NFASC: variants seen among roughly 807,000 people sequenced by gnomAD.
NFASC encodes neurofascin homolog.
A neutral mutation model predicts 147.5 loss-of-function variants in NFASC; 43 were observed. The observed-to-expected ratio is 0.29, with a 90% CI of 0.23 to 0.38. NFASC has a LOEUF of 0.38. NFASC is among the 10% of genes least tolerant of loss of function. The probability of loss-of-function intolerance (pLI) is 1.00; values close to 1 mark genes in which losing one functional copy is unlikely to be tolerated. For synonymous variants in NFASC, 622 were observed against 665.5 expected, an observed-to-expected ratio of 0.93 and a Z score of 1.01; for missense variants, 1,320 against 1,689.0, an observed-to-expected ratio of 0.78 and a Z score of 3.83.
intron 27 of NFASC, among the ~76,000 whole-genome samples, chr1:205,007,728 G>T (rs905802761): frequency 2.6e-5 from 4 of 152,136 alleles, no homozygotes; most frequent in Non-Finnish European, 5.9e-5. Flanking sequence ...GAATGAGAGC[G>T]GCCAGCATGG....
In NFASC at chr1:205,020,582, C is replaced by G. The variant is rs1215158457; in HGVS notation, c.*4043C>G. 6.6e-6 allele frequency: 1 copy of G among 152,298 alleles called. No individual in the cohort carries two copies. Among genetic ancestry groups the G allele is most frequent in the African/African-American group, 2.4e-5 (1 of 41,468 alleles). 9.4% of individuals were successfully genotyped at this position (152,298 alleles called of 1,614,324 possible). A position where few individuals can be genotyped will look rare whatever the true frequency, so the allele number is the denominator to read the frequency against. On this transcript the variant is annotated 3_prime_UTR_variant, in exon 30 of 30. Transcript: ENST00000339876. ...GCATCTGAGCTGAAGGAGTGGGAAA[C>G]TTTGCCCAAGCAATGGCACGGGCAG...
At chr1:204,846,106 C>T (rs1676959093) in intron 1 of NFASC, among the ~76,000 whole-genome samples, 1 of 149,672 alleles carries the variant, frequency 6.7e-6, no homozygotes, top group African/African-American at 2.5e-5. Flanking sequence ...CCTGTAATCC[C>T]AGCATTTTGG....
intron 2 of NFASC, among the ~76,000 whole-genome samples, chr1:204,934,626 C>T (rs2092679173): frequency 6.6e-6 from 1 of 152,226 alleles, no homozygotes; most frequent in African/African-American, 2.4e-5. Flanking sequence ...CCAGCCTCTC[C>T]TCTTACTGAA....
chr1:205,013,510 G>A (rs2096289833), intron 29 of NFASC, among the ~76,000 whole-genome samples: 1 of 152,172 alleles, frequency 6.6e-6, no homozygotes, highest in Non-Finnish European at 1.5e-5. Context: ...TCCCCACCCA[G>A]TGAGTTAGTG....
rs147140917 is a variant in NFASC, at chr1:204,882,554, A to T, written c.-199-38078A>T. 1.3e-3 allele frequency among the ~76,000 whole-genome samples: 204 copies of T among 151,756 alleles called. 1 individual carries two copies. The highest frequency in any genetic ancestry group is 4.7e-3 in the African/African-American group (195 of 41,348). Reference sequence around the variant, plus strand: ...GTGTATTTCTTCATAGCACTTCCCCACTACCTGCACTTACGTCTCTGTTTA... The same window carrying T: ...GTGTATTTCTTCATAGCACTTCCCCTCTACCTGCACTTACGTCTCTGTTTA... On this transcript the variant is annotated intron_variant, in intron 1 of 29. Coordinates refer to ENST00000339876, the MANE Select transcript of NFASC (RefSeq NM_001005388.3).
intron 1 of NFASC, among the ~76,000 whole-genome samples, chr1:204,901,700 G>A (rs572578678): frequency 1.2e-4 from 19 of 152,214 alleles, no homozygotes; most frequent in African/African-American, 4.6e-4. Context: ...GGGGAGAGTG[G>A]GGGCAAGGGA....
rs773282718 is a variant in NFASC at position 204,954,287 on chromosome 1, TGGCG to T, written c.321_324del (p.Pro109ArgfsTer38). ...GGACCCTGGTGATTGACTTCCGCAGTGGCGGGCGGCCGGAGGAATATGAGGGGGA... is the reference window on the plus strand; with the variant it reads ...GGACCCTGGTGATTGACTTCCGCAGTGGCGGCCGGAGGAATATGAGGGGGA... On this transcript the variant is annotated frameshift_variant, in exon 6 of 30. Coordinates refer to ENST00000339876, the MANE Select transcript of NFASC (RefSeq NM_001005388.3). LOFTEE classifies it high-confidence loss of function. The surrounding 1 kb of genome is among the most constrained non-coding windows in gnomAD (Gnocchi z 5.7). 1 of 1,614,192 alleles carries T rather than the reference TGGCG, an allele frequency of 6.2e-7. No homozygotes were observed. Among genetic ancestry groups the T allele is most frequent in the Non-Finnish European group, 8.5e-7 (1 of 1,180,028 alleles).
intron 1 of NFASC, among the ~76,000 whole-genome samples, chr1:204,876,449 T>C (rs557353835): frequency 6.6e-6 from 1 of 152,378 alleles, no homozygotes; most frequent in East Asian, 1.9e-4. Context: ...TGGTAAAATA[T>C]GTACAACATA....
Position 204,968,141 on chromosome 1 carries a change from G to T in NFASC, c.707-108G>T. ...TCCTTGGGATGGTTTCAGCTGGGAG[G>T]ATCCGGCAGGGGCGGTGATGCCACT... On this transcript the variant is annotated intron_variant, in intron 8 of 29. Transcript: ENST00000339876. The surrounding 1 kb of genome is among the most constrained non-coding windows in gnomAD (Gnocchi z 5.4). The T allele has an allele frequency of 6.4e-6, 5 of 783,676 alleles. No homozygotes were observed. Among genetic ancestry groups the T allele is most frequent in the Non-Finnish European group, 1.1e-5 (5 of 451,194 alleles). The allele number at this position is 783,676 out of a possible 1,614,324, so 48.5% of individuals were successfully genotyped here. A position where few individuals can be genotyped will look rare whatever the true frequency, so the allele number is the denominator to read the frequency against.
At chr1:204,972,104 G>A (rs2095276311) in intron 11 of NFASC, among the ~76,000 whole-genome samples, 1 of 152,170 alleles carries the variant, frequency 6.6e-6, no homozygotes, top group Non-Finnish European at 1.5e-5. Context: ...GGATGATAAG[G>A]GTGCTAACTT....
chr1:204,952,024 A>T lies in NFASC; in HGVS notation c.123A>T (p.Pro41=), dbSNP rs761905628. The change falls in exon 5 of 30, where the codon CCA becomes CCT. Residue 41 remains proline (P), a synonymous_variant. Coordinates refer to ENST00000339876, the MANE Select transcript of NFASC (RefSeq NM_001005388.3). ...PSIQNELTQP[P]TITKQSAKDH... ...GCACTGTTGCAGTGACGCAGCCGCC[A>T]ACCATCACCAAGCAGTCAGCGAAGG... 3.1e-6 allele frequency: 5 copies of T among 1,614,074 alleles called. No individual in the cohort carries two copies. Among genetic ancestry groups the T allele is most frequent in the Non-Finnish European group, 3.4e-6 (4 of 1,179,994 alleles).
intron 25 of NFASC, chr1:205,000,366 A>G (rs2095949754): frequency 1.3e-5 from 2 of 152,256 alleles, no homozygotes; most frequent in Admixed American, 1.3e-4. Flanking sequence ...AGGACAACCC[A>G]AGGGGCTCCT....
At chr1:204,897,448 T>TTATAGACAATTTATAGACAA (rs2083596545) in intron 1 of NFASC, among the ~76,000 whole-genome samples, 1 of 152,200 alleles carries the variant, frequency 6.6e-6, no homozygotes, top group Non-Finnish European at 1.5e-5. Context: ...AGAGCAATCT[T>TTATAGACAATTTATAGACAA]GTTCCCAATT....
intron 1 of NFASC, among the ~76,000 whole-genome samples, chr1:204,834,653 C>T (rs1372792408): frequency 6.6e-6 from 1 of 152,164 alleles, no homozygotes; most frequent in Non-Finnish European, 1.5e-5. Flanking sequence ...AGAAAGAAGG[C>T]CCCAATCTGT....
At chr1:204,841,612 C>T (rs932969317) in intron 1 of NFASC, among the ~76,000 whole-genome samples, 1 of 152,068 alleles carries the variant, frequency 6.6e-6, no homozygotes, top group East Asian at 1.9e-4. Flanking sequence ...ACCACTGTCC[C>T]CTCTCTGCTT....
chr1:204,872,723 G>A (rs1290106623), intron 1 of NFASC, among the ~76,000 whole-genome samples: 1 of 152,196 alleles, frequency 6.6e-6, no homozygotes, highest in Admixed American at 6.5e-5. Context: ...TGAGGCTGAT[G>A]TGCTCAGGGT....
At chr1:204,983,699 G>A (rs1574123599) in intron 21 of NFASC, among the ~76,000 whole-genome samples, 1 of 152,194 alleles carries the variant, frequency 6.6e-6, no homozygotes, top group East Asian at 1.9e-4. Context: ...ATAAGGTCCA[G>A]CGAGGGCAGC....
chr1:204,864,796 A>G (rs905428398), intron 1 of NFASC, among the ~76,000 whole-genome samples: 14 of 152,178 alleles, frequency 9.2e-5, no homozygotes, highest in Admixed American at 5.9e-4. Flanking sequence ...TTAAACCCTT[A>G]TTAAGTGGAA....
intron 16 of NFASC, chr1:204,977,259 C>T (rs6696330): frequency 0.11 from 37,393 of 345,262 alleles, 2,466 homozygotes; most frequent in African/African-American, 0.21. Context: ...AGCAAGATGA[C>T]GTTGTGTCTT....
Sources: allele counts gnomAD v4.1 joint callset (sites outside exome capture counted in the v4.1 genomes callset), GRCh38; gene constraint gnomAD v4.1.1; non-coding constraint Gnocchi (gnomAD v3.1); transcripts MANE v1.5; gene names NCBI Gene and HGNC (gene_info 2026-07-23, HGNC 2026-07-21).